The following DRC11 variants were observed in gnomAD, a reference collection of about 807,000 sequenced individuals.
The protein encoded by DRC11 is IQ and AAA domain-containing protein 1.
chr2:236,417,591 G>A, the DRC11 span, among the ~76,000 whole-genome samples: 3 of 150,746 alleles, frequency 2.0e-5, no homozygotes, highest in East Asian at 5.9e-4. Context: ...TTTAAGTTCT[G>A]GGATACATGT....
the DRC11 span, among the ~76,000 whole-genome samples, chr2:236,357,031 T>TCA: frequency 1.3e-5 from 1 of 77,512 alleles, no homozygotes; most frequent in Non-Finnish European, 3.2e-5. Context: ...ATCTATATAT[T>TCA]TATATATTCA....
chr2:236,505,030 C>G, the DRC11 span, among the ~76,000 whole-genome samples: 2 of 152,132 alleles, frequency 1.3e-5, no homozygotes, highest in African/African-American at 4.8e-5. Flanking sequence ...GAAAGTGTTC[C>G]TGGAATTTTA....
the DRC11 span, among the ~76,000 whole-genome samples, chr2:236,497,687 T>C: frequency 3.3e-5 from 5 of 152,226 alleles, no homozygotes; most frequent in Admixed American, 6.5e-5. The surrounding 1 kb of genome is among the most constrained non-coding windows in gnomAD (Gnocchi z 5.1). Context: ...ACCACCACTA[T>C]TATCATCAAA....
chr2:236,415,652 A>G, the DRC11 span, among the ~76,000 whole-genome samples: 1 of 152,166 alleles, frequency 6.6e-6, no homozygotes, highest in Non-Finnish European at 1.5e-5. The surrounding 1 kb of genome is among the most constrained non-coding windows in gnomAD (Gnocchi z 5.7). Context: ...TTTCCCCTTC[A>G]TTTGCAAGCA....
chr2:236,499,148 T>A, the DRC11 span, among the ~76,000 whole-genome samples: 1 of 152,204 alleles, frequency 6.6e-6, no homozygotes, highest in Non-Finnish European at 1.5e-5. This position sits in a 1 kb window ranked among gnomAD's most constrained non-coding sequence, Gnocchi z 4.7. Context: ...CCTGGCGTCC[T>A]GAGTCCAGGT....
At chr2:236,370,409 C>A in the DRC11 span, among the ~76,000 whole-genome samples, 3 of 152,188 alleles carry the variant, frequency 2.0e-5, no homozygotes, top group African/African-American at 7.2e-5. The surrounding 1 kb of genome is among the most constrained non-coding windows in gnomAD (Gnocchi z 5.5). Context: ...TGGAGGGAGG[C>A]AGCCTCAGAA....
the DRC11 span, among the ~76,000 whole-genome samples, chr2:236,447,804 G>A: frequency 8.4e-4 from 127 of 152,068 alleles, no homozygotes; most frequent in African/African-American, 2.9e-3. This position sits in a 1 kb window ranked among gnomAD's most constrained non-coding sequence, Gnocchi z 4.6. Context: ...GGTTCCATTT[G>A]GTGGTTTGGA....
the DRC11 span, among the ~76,000 whole-genome samples, chr2:236,395,238 G>A: frequency 6.6e-6 from 1 of 152,160 alleles, no homozygotes; most frequent in East Asian, 1.9e-4. Flanking sequence ...GCCCAAAACA[G>A]GTGTGACGAC....
chr2:236,365,660 G>A, the DRC11 span, among the ~76,000 whole-genome samples: 1 of 152,106 alleles, frequency 6.6e-6, no homozygotes, highest in African/African-American at 2.4e-5. This position sits in a 1 kb window ranked among gnomAD's most constrained non-coding sequence, Gnocchi z 7.4. Context: ...CCGGGAGAGT[G>A]TGTGGCAGTG....
At chr2:236,432,529 T>C in the DRC11 span, among the ~76,000 whole-genome samples, 5 of 152,208 alleles carry the variant, frequency 3.3e-5, no homozygotes, top group African/African-American at 1.2e-4. Flanking sequence ...CATCTTTTAT[T>C]ATGTTTCGAA....
chr2:236,330,194 TTTTTTTCAGCC>T, the DRC11 span, among the ~76,000 whole-genome samples: 2 of 152,248 alleles, frequency 1.3e-5, no homozygotes, highest in Non-Finnish European at 2.9e-5. This position sits in a 1 kb window ranked among gnomAD's most constrained non-coding sequence, Gnocchi z 5.5. Flanking sequence ...GAGTTACATT[TTTTTTTCAGCC>T]TTGCCAGAGC....
chr2:236,362,128 C>G, the DRC11 span, among the ~76,000 whole-genome samples: 1 of 152,158 alleles, frequency 6.6e-6, no homozygotes, highest in Non-Finnish European at 1.5e-5. This position sits in a 1 kb window ranked among gnomAD's most constrained non-coding sequence, Gnocchi z 5.7. Flanking sequence ...GACAGTACTA[C>G]AGGGAGAAAT....
the DRC11 span, among the ~76,000 whole-genome samples, chr2:236,373,444 T>A: frequency 2.0e-5 from 3 of 151,988 alleles, no homozygotes; most frequent in Admixed American, 6.6e-5. Context: ...AGAGATGGTG[T>A]TCCTCCATGT....
chr2:236,310,367 C>G, the DRC11 span, among the ~76,000 whole-genome samples: 1 of 152,222 alleles, frequency 6.6e-6, no homozygotes, highest in Admixed American at 6.5e-5. The surrounding 1 kb of genome is among the most constrained non-coding windows in gnomAD (Gnocchi z 5.5). Flanking sequence ...CTGGACACGG[C>G]ACTACTGTGC....
chr2:236,491,174 TATATATACAC>T, the DRC11 span, among the ~76,000 whole-genome samples: 66 of 61,998 alleles, frequency 1.1e-3, 8 homozygotes, highest in Non-Finnish European at 1.5e-3. Flanking sequence ...TATATATATA[TATATATACAC>T]ACAGTATATA....
chr2:236,464,103 G>A, the DRC11 span, among the ~76,000 whole-genome samples: 1 of 152,214 alleles, frequency 6.6e-6, no homozygotes, highest in Admixed American at 6.5e-5. Flanking sequence ...AGCAGGAAAG[G>A]TGAGCAGGAT....
chr2:236,490,968 G>GTA, the DRC11 span, among the ~76,000 whole-genome samples: 73 of 143,538 alleles, frequency 5.1e-4, no homozygotes, highest in East Asian at 5.5e-3. The surrounding 1 kb of genome is among the most constrained non-coding windows in gnomAD (Gnocchi z 5.5). Context: ...GTATATATGT[G>GTA]TATATATATA....
the DRC11 span, among the ~76,000 whole-genome samples, chr2:236,503,889 C>T: frequency 6.6e-6 from 1 of 152,086 alleles, no homozygotes; most frequent in South Asian, 2.1e-4. The surrounding 1 kb of genome is among the most constrained non-coding windows in gnomAD (Gnocchi z 4.9). Flanking sequence ...TCTGCTTGAG[C>T]CCAGCCATGA....
chr2:236,502,812 G>A, the DRC11 span, among the ~76,000 whole-genome samples: 97 of 151,786 alleles, frequency 6.4e-4, no homozygotes, highest in Non-Finnish European at 1.2e-3. Context: ...AAAATTAGCC[G>A]GGTGTGGTGG....
Sources: allele counts gnomAD v4.1 joint callset (sites outside exome capture counted in the v4.1 genomes callset), GRCh38; gene constraint gnomAD v4.1.1; non-coding constraint Gnocchi (gnomAD v3.1); transcripts MANE v1.5; gene names NCBI Gene and HGNC (gene_info 2026-07-23, HGNC 2026-07-21).